Variants in TANGO6 observed in about 807,000 individuals in gnomAD.
The protein encoded by TANGO6 is transport and Golgi organization protein 6 homolog.
A neutral mutation model predicts 114.2 loss-of-function variants in TANGO6; 90 were observed. That is an observed-to-expected ratio of 0.79 (90% CI 0.66 to 0.94). The LOEUF is 0.94. Ranked by LOEUF, TANGO6 falls within the 40% of genes least tolerant of loss-of-function variation. The pLI is 0.00. For missense variants in TANGO6, 1,274 were observed against 1,315.3 expected (o/e 0.97, Z 0.49); for synonymous variants, 477 against 509.8 (o/e 0.94, Z 0.87).
At chr16:68,910,290 T>A (rs1231689744) in intron 11 of TANGO6, among the ~76,000 whole-genome samples, 1 of 152,224 alleles carries the variant, frequency 6.6e-6, no homozygotes, top group Non-Finnish European at 1.5e-5. Flanking sequence ...TTACCGTGCC[T>A]GTTTAATGAG....
chr16:68,907,525 C>G lies in TANGO6; in HGVS notation c.1750C>G (p.His584Asp), dbSNP rs1363953437. Residue 584 changes from histidine to aspartate, a missense_variant, in exon 10 of 18, where the codon CAC becomes GAC. This residue lies in a region of TANGO6 where 908 missense variants were observed against 910.2 expected (regional missense o/e 1.00). Coordinates refer to ENST00000261778, the MANE Select transcript of TANGO6 (RefSeq NM_024562.2). The stretch of plus-strand genomic sequence containing the variant: ...GGAGCATCTCGGGGACTTGCTGTCC[C>G]ACTGCCAGGAATGCGGTTTGGCAGG... ...RVEHLGDLLS[H>D]CQECGLAGDF... 6.2e-7 allele frequency: 1 copy of G among 1,612,992 alleles called. No individual in the cohort carries two copies. The highest frequency in any genetic ancestry group is 8.5e-7 in the Non-Finnish European group (1 of 1,179,582).
intron 16 of TANGO6, among the ~76,000 whole-genome samples, chr16:69,030,053 A>G (rs1448180606): frequency 6.7e-6 from 1 of 149,372 alleles, no homozygotes; most frequent in Non-Finnish European, 1.5e-5. Flanking sequence ...GGTTGCAGTG[A>G]GCCAAGATCA....
At chr16:69,004,317 G>A (rs1024799785) in intron 15 of TANGO6, among the ~76,000 whole-genome samples, 5 of 151,354 alleles carry the variant, frequency 3.3e-5, no homozygotes, top group Non-Finnish European at 5.9e-5. Context: ...CAAACTCACC[G>A]TTTCATAAAA....
intron 12 of TANGO6, among the ~76,000 whole-genome samples, chr16:68,925,442 C>A (rs1963155201): frequency 6.6e-6 from 1 of 152,068 alleles, no homozygotes; most frequent in Non-Finnish European, 1.5e-5. Flanking sequence ...AGGTCTTTTG[C>A]CCATTTTTAA....
At chr16:68,992,012 A>T (rs1270050432) in intron 15 of TANGO6, among the ~76,000 whole-genome samples, 1 of 152,040 alleles carries the variant, frequency 6.6e-6, no homozygotes, top group Non-Finnish European at 1.5e-5. Flanking sequence ...TTTTTTTTAA[A>T]CATTTAGTGA....
intron 7 of TANGO6, among the ~76,000 whole-genome samples, chr16:68,899,799 C>A (rs1162557972): frequency 6.6e-6 from 1 of 152,026 alleles, no homozygotes; most frequent in African/African-American, 2.4e-5. Flanking sequence ...TGGGGTCTTA[C>A]TATGTTGCCC....
Position 68,927,848 on chromosome 16 carries a change from C to T in TANGO6, c.2408C>T (p.Thr803Ile), listed in dbSNP as rs760159998. The T allele has an allele frequency of 6.2e-7, 1 of 1,614,028 alleles. No individual in the cohort carries two copies. Among genetic ancestry groups the T allele is most frequent in the South Asian group, 1.1e-5 (1 of 91,082 alleles). ...SHLEQQQSHE[T>I]APQTGLQSNA... is the part of the protein sequence containing the mutation. The stretch of plus-strand genomic sequence containing the variant: ...CTTGAACAACAGCAGAGCCATGAGA[C>T]AGCCCCCCAGACAGGCCTGCAGTCA... The change falls in exon 13 of 18, where the codon ACA becomes ATA. Residue 803 changes from threonine to isoleucine, a missense_variant. By Grantham distance (89) the Thr-to-Ile change is moderately conservative. Coordinates refer to ENST00000261778, the MANE Select transcript of TANGO6 (RefSeq NM_024562.2).
intron 17 of TANGO6, among the ~76,000 whole-genome samples, chr16:69,047,675 GA>G (rs1403358180): frequency 1.3e-5 from 2 of 152,138 alleles, no homozygotes; most frequent in Non-Finnish European, 2.9e-5. Flanking sequence ...TTAAAAAAAT[GA>G]GTGATTGGGG....
At chr16:68,968,104 C>T (rs999723637) in intron 14 of TANGO6, among the ~76,000 whole-genome samples, 1 of 151,748 alleles carries the variant, frequency 6.6e-6, no homozygotes, top group Admixed American at 6.6e-5. Context: ...CTCACTCTGT[C>T]GCCCAGGCTG....
chr16:68,941,883 T>G (rs567575681), intron 14 of TANGO6, among the ~76,000 whole-genome samples: 18 of 152,096 alleles, frequency 1.2e-4, no homozygotes, highest in Non-Finnish European at 1.8e-4. Context: ...CTTGGGAGGC[T>G]GAAGTGGGAG....
chr16:69,060,145 A>G (rs1734749423), intron 17 of TANGO6, among the ~76,000 whole-genome samples: 1 of 152,118 alleles, frequency 6.6e-6, no homozygotes. Flanking sequence ...ACTCCGCTAC[A>G]TGTTATACTT....
intron 17 of TANGO6, among the ~76,000 whole-genome samples, chr16:69,047,909 C>G (rs1959888230): frequency 6.6e-6 from 1 of 152,082 alleles, no homozygotes; most frequent in Admixed American, 6.6e-5. Context: ...TCCTTGTAAT[C>G]CCTAATTTTA....
chr16:68,849,294 A>C (rs1231123867), intron 1 of TANGO6, among the ~76,000 whole-genome samples: 1 of 152,110 alleles, frequency 6.6e-6, no homozygotes, highest in Non-Finnish European at 1.5e-5. Flanking sequence ...AGACTGTGCA[A>C]CTACACTCCA....
chr16:68,972,244 G>C (rs1233345729), intron 14 of TANGO6, among the ~76,000 whole-genome samples: 1 of 152,032 alleles, frequency 6.6e-6, no homozygotes, highest in African/African-American at 2.4e-5. Context: ...AAAGATGGGG[G>C]TGGGGAGGGC....
chr16:68,936,420 C>T (rs922211510), intron 14 of TANGO6, among the ~76,000 whole-genome samples: 1 of 152,088 alleles, frequency 6.6e-6, no homozygotes. Context: ...GCAACTTCCA[C>T]CTCCCGGGTT....
rs963064828 is a variant in TANGO6, at chr16:69,006,580, CT to C, written c.2843-16246del. Among the ~76,000 whole-genome samples the C allele has an allele frequency of 3.4e-4, 52 of 151,326 alleles. 1 individual carries two copies. Among genetic ancestry groups the C allele is most frequent in the African/African-American group, 1.3e-3 (52 of 41,266 alleles). On this transcript the variant is annotated intron_variant, in intron 15 of 17. Transcript: ENST00000261778. ...CCAACATGGCAAAACTCCATCTCTA[CT>C]TAAAAAAAAAAATACAAAAATTAGC...
intron 15 of TANGO6, among the ~76,000 whole-genome samples, chr16:69,002,932 C>T (rs1162789222): frequency 6.6e-6 from 1 of 151,850 alleles, no homozygotes; most frequent in African/African-American, 2.4e-5. Context: ...GTCCCAGCTA[C>T]TCGGGAGGCT....
Position 68,867,200 on chromosome 16 carries a change from G to A in TANGO6, c.974G>A (p.Gly325Asp), listed in dbSNP as rs745994025. 3.1e-6 allele frequency: 5 copies of A among 1,613,782 alleles called. No individual in the cohort carries two copies. The highest frequency in any genetic ancestry group is 3.3e-5 in the Admixed American group (2 of 60,010). Residue 325 changes from glycine to aspartate, a missense_variant, in exon 4 of 18, where the codon GGC (glycine) becomes GAC (aspartate). By Grantham distance (94) the Gly-to-Asp change is moderately conservative (BLOSUM62 -1). Coordinates refer to ENST00000261778, the MANE Select transcript of TANGO6 (RefSeq NM_024562.2). ...RPNGVQAVVR[G>D]ILEGAGAGAA... ...AATGGTGTTCAGGCAGTAGTCCGGGGCATTTTGGAAGGAGCAGGTGGTAAG... is the reference window on the plus strand; with the variant it reads ...AATGGTGTTCAGGCAGTAGTCCGGGACATTTTGGAAGGAGCAGGTGGTAAG...
At chr16:68,876,607 G>GGTCAGGAGTTCGAGACCAGCCTGGCCAAA (rs1962364958) in intron 5 of TANGO6, among the ~76,000 whole-genome samples, 1 of 151,520 alleles carries the variant, frequency 6.6e-6, no homozygotes, top group Non-Finnish European at 1.5e-5. Context: ...GATTACTTGA[G>GGTCAGGAGTTCGAGACCAGCCTGGCCAAA]GTCAGGAGTT....
Sources: allele counts gnomAD v4.1 joint callset (sites outside exome capture counted in the v4.1 genomes callset), GRCh38; gene constraint gnomAD v4.1.1; regional missense constraint gnomAD v4.1.1; transcripts MANE v1.5; gene names NCBI Gene and HGNC (gene_info 2026-07-23, HGNC 2026-07-21).